Variants in AGBL1 observed in about 807,000 individuals in gnomAD.
AGBL1 encodes cytosolic carboxypeptidase 4.
Under a neutral mutation model 118.9 loss-of-function variants are expected in AGBL1, and 130 were observed. The observed-to-expected ratio is 1.09, with a 90% CI of 0.95 to 1.26. The LOEUF (loss-of-function observed/expected upper bound fraction) is 1.26, where lower values mean the gene tolerates loss of function less well. Ranked by LOEUF, AGBL1 falls within the 50% of genes most tolerant of loss-of-function variation. The pLI, the probability that AGBL1 is intolerant of heterozygous loss-of-function variation, is 0.00. For missense variants in AGBL1, 1,584 were observed against 1,298.1 expected, an observed-to-expected ratio of 1.22 and a Z score of -3.38; for synonymous variants, 555 against 478.9, an observed-to-expected ratio of 1.16 and a Z score of -2.08.
chr15:86,109,770 C>T (rs772946209), intron 1 of AGBL1: 13 of 152,332 alleles, frequency 8.5e-5, no homozygotes, highest in Non-Finnish European at 1.6e-4. Context: ...CTCCATGACT[C>T]ACATTCAGTG....
intron 5 of AGBL1, among the ~76,000 whole-genome samples, chr15:86,213,895 T>A (rs1234219986): frequency 6.6e-6 from 1 of 152,182 alleles, no homozygotes; most frequent in Non-Finnish European, 1.5e-5. Context: ...ATTCTGTCTG[T>A]AATCATTAAG....
At chr15:86,113,254 TTTC>T (rs1897532405) in intron 1 of AGBL1, among the ~76,000 whole-genome samples, 1 of 86,700 alleles carries the variant, frequency 1.2e-5, no homozygotes, top group African/African-American at 5.9e-5. Context: ...TTTCTTTTCT[TTTC>T]TTTCTTTCTT....
intron 22 of AGBL1, among the ~76,000 whole-genome samples, chr15:86,726,772 C>A (rs1053381145): frequency 6.6e-6 from 1 of 152,086 alleles, no homozygotes; most frequent in Non-Finnish European, 1.5e-5. Flanking sequence ...TAAGGCTGGT[C>A]TCAAACTCAT....
intron 17 of AGBL1, among the ~76,000 whole-genome samples, chr15:86,338,024 C>CT (rs1375874344): frequency 6.6e-6 from 1 of 151,968 alleles, no homozygotes; most frequent in Non-Finnish European, 1.5e-5. Flanking sequence ...AGGTCTTGCC[C>CT]TTTGAGTTTG....
At chr15:86,155,586 T>A (rs990763601) in intron 4 of AGBL1, among the ~76,000 whole-genome samples, 1 of 152,240 alleles carries the variant, frequency 6.6e-6, no homozygotes, top group Non-Finnish European at 1.5e-5. Flanking sequence ...ATCCTATACC[T>A]TCTATCTGAT....
At chr15:86,254,821 T>C (rs1042859976) in intron 7 of AGBL1, among the ~76,000 whole-genome samples, 2 of 152,196 alleles carry the variant, frequency 1.3e-5, no homozygotes, top group African/African-American at 4.8e-5. Context: ...ATGAGGGAAA[T>C]GTTGACAAAG....
At chr15:86,079,707 G>T (rs111960378), upstream of AGBL1, 14 of 326,372 alleles carry the variant, frequency 4.3e-5, no homozygotes, top group African/African-American at 1.7e-4. Flanking sequence ...GACTCATGCT[G>T]GTGCCCTCCC....
intron 24 of AGBL1, among the ~76,000 whole-genome samples, chr15:86,995,831 A>G (rs1032276618): frequency 1.3e-5 from 2 of 152,168 alleles, no homozygotes; most frequent in South Asian, 2.1e-4. Flanking sequence ...TCATCTTTTC[A>G]TATTTGTAAA....
chr15:86,734,993 T>C (rs2077572303), intron 22 of AGBL1, among the ~76,000 whole-genome samples: 1 of 151,328 alleles, frequency 6.6e-6, no homozygotes, highest in South Asian at 2.1e-4. Flanking sequence ...GTTTTCTATT[T>C]TCTTTTGTGC....
intron 22 of AGBL1, among the ~76,000 whole-genome samples, chr15:86,778,379 G>A: frequency 6.6e-6 from 1 of 152,102 alleles, no homozygotes; most frequent in East Asian, 1.9e-4. Context: ...AAATTTATTA[G>A]GCAGGAATTT....
intron 18 of AGBL1, among the ~76,000 whole-genome samples, chr15:86,503,001 C>A (rs1413078115): frequency 6.6e-6 from 1 of 151,390 alleles, no homozygotes; most frequent in Non-Finnish European, 1.5e-5. Flanking sequence ...TTTAATTCTT[C>A]CTTAAACGCT....
intron 18 of AGBL1, among the ~76,000 whole-genome samples, chr15:86,456,380 A>T (rs2082258329): frequency 6.6e-6 from 1 of 152,144 alleles, no homozygotes; most frequent in African/African-American, 2.4e-5. Flanking sequence ...CTAGCATGGG[A>T]TTTCCAAATT....
At chr15:86,319,241 G>A (rs2080066571) in intron 17 of AGBL1, among the ~76,000 whole-genome samples, 1 of 151,978 alleles carries the variant, frequency 6.6e-6, no homozygotes, top group South Asian at 2.1e-4. Context: ...ACTTTACTAG[G>A]GAATACTGCA....
chr15:86,609,641 G>T (rs902636598), intron 21 of AGBL1, among the ~76,000 whole-genome samples: 5 of 152,126 alleles, frequency 3.3e-5, no homozygotes, highest in Admixed American at 3.3e-4. Flanking sequence ...AAAACTTCTT[G>T]TTAAAAAATC....
intron 22 of AGBL1, among the ~76,000 whole-genome samples, chr15:86,810,811 G>A (rs1596503547): frequency 6.6e-6 from 1 of 152,062 alleles, no homozygotes; most frequent in South Asian, 2.1e-4. Flanking sequence ...CTGCATTTCT[G>A]GTATTGACTA....
intron 22 of AGBL1, among the ~76,000 whole-genome samples, chr15:86,734,955 C>A (rs771313762): frequency 4.3e-4 from 65 of 152,074 alleles, no homozygotes; most frequent in Non-Finnish European, 8.5e-4. Flanking sequence ...CATATACATG[C>A]CCCAGATTCA....
chr15:86,425,858 T>C (rs572376489), intron 18 of AGBL1, among the ~76,000 whole-genome samples: 17 of 152,180 alleles, frequency 1.1e-4, no homozygotes, highest in Non-Finnish European at 2.1e-4. Context: ...TACTCATCTG[T>C]ATAATCTTTT....
chr15:86,972,733 A>C (rs2081122419), intron 23 of AGBL1, among the ~76,000 whole-genome samples: 1 of 152,026 alleles, frequency 6.6e-6, no homozygotes, highest in Admixed American at 6.6e-5. Flanking sequence ...CATGCATGCT[A>C]ATGTGGCCAT....
chr15:86,325,852 T>C (rs182684369), intron 17 of AGBL1, among the ~76,000 whole-genome samples: 42 of 152,230 alleles, frequency 2.8e-4, no homozygotes, highest in African/African-American at 9.9e-4. Flanking sequence ...AAGGGGCACA[T>C]GATAACTTCT....
Sources: gnomAD v4.1 joint callset for allele counts (sites outside exome capture counted in the v4.1 genomes callset) on GRCh38, gnomAD v4.1.1 for gene constraint, MANE v1.5 for transcripts, NCBI Gene and HGNC (gene_info 2026-07-23, HGNC 2026-07-21) for gene names.